DOCK4: variants seen among roughly 807,000 people sequenced by gnomAD.
The protein encoded by DOCK4 is dedicator of cytokinesis protein 4.
Under a neutral mutation model 268.1 loss-of-function variants are expected in DOCK4, and 97 were observed. That is an observed-to-expected ratio of 0.36 (90% CI 0.31 to 0.43). The LOEUF (loss-of-function observed/expected upper bound fraction) is 0.43, where lower values mean the gene tolerates loss of function less well. Ranked by LOEUF, DOCK4 falls within the 20% of genes least tolerant of loss-of-function variation. The probability of loss-of-function intolerance (pLI) is 1.00; values close to 1 mark genes in which losing one functional copy is unlikely to be tolerated. For synonymous variants in DOCK4, 954 were observed against 887.2 expected (o/e 1.08, Z -1.34); for missense variants, 2,145 against 2,455.7 (o/e 0.87, Z 2.67).
chr7:111,786,245 T>C (rs989934603), intron 32 of DOCK4, among the ~76,000 whole-genome samples: 2 of 152,288 alleles, frequency 1.3e-5, no homozygotes, highest in East Asian at 3.9e-4. Flanking sequence ...TGTTACTTCT[T>C]CTGGAAAGCC....
At chr7:111,788,288 T>C (rs1459020060) in intron 32 of DOCK4, among the ~76,000 whole-genome samples, 1 of 152,152 alleles carries the variant, frequency 6.6e-6, no homozygotes, top group Non-Finnish European at 1.5e-5. Flanking sequence ...GTATCTTGCT[T>C]TGGAAAGCAG....
chr7:111,818,514 A>C (rs751748486), intron 27 of DOCK4, among the ~76,000 whole-genome samples: 4 of 152,170 alleles, frequency 2.6e-5, no homozygotes, highest in Non-Finnish European at 5.9e-5. Context: ...ACCCACACCC[A>C]GTCACTTGCA....
chr7:111,839,851 T>C (rs1163023071), intron 25 of DOCK4, among the ~76,000 whole-genome samples: 1 of 152,218 alleles, frequency 6.6e-6, no homozygotes, highest in South Asian at 2.1e-4. Context: ...TCCATAGGTT[T>C]TTGGGGAAAC....
intron 42 of DOCK4, among the ~76,000 whole-genome samples, chr7:111,752,715 T>C (rs1284125815): frequency 6.6e-6 from 1 of 150,894 alleles, no homozygotes; most frequent in African/African-American, 2.4e-5. Context: ...GCCTCCCAAG[T>C]AGCTGGGACT....
rs1806466426 is a variant in DOCK4 at position 111,872,007 on chromosome 7, A to C, written c.2010T>G (p.Ala670=). The part of the protein sequence containing the change: ...VMDTYIESHF[A]GALAYRDLIK... The stretch of plus-strand genomic sequence containing the variant: ...GGCCTTACCTGTATGCAAGTGCCCC[A>C]GCAAAATGACTCTCAATGTAAGTGT... Residue 670 remains alanine (A), a synonymous_variant, in exon 20 of 53, where the codon GCT becomes GCG. Coordinates refer to ENST00000428084, the MANE Select transcript of DOCK4 (RefSeq NM_001363540.2). 3 of 1,556,068 alleles carry C rather than the reference A, an allele frequency of 1.9e-6. No homozygotes were observed. In the East Asian group the frequency reaches 7.1e-5, roughly 37 times the overall value.
chr7:111,971,060 G>A (rs117618085), intron 8 of DOCK4, among the ~76,000 whole-genome samples: 5,332 of 152,286 alleles, frequency 0.035, 126 homozygotes, highest in Non-Finnish European at 0.051. Context: ...GAACGAGAAA[G>A]GGAGTACTTT....
intron 10 of DOCK4, 74 bp from the exon 11 acceptor site, chr7:111,940,316 G>A (rs1382358663): frequency 3.5e-5 from 55 of 1,583,182 alleles, no homozygotes; most frequent in Non-Finnish European, 4.8e-5. Context: ...GAAACATACA[G>A]CTATAAGATA....
chr7:112,004,337 T>C (rs1003198518), intron 1 of DOCK4, among the ~76,000 whole-genome samples: 2 of 152,216 alleles, frequency 1.3e-5, no homozygotes, highest in African/African-American at 4.8e-5. Context: ...AAATATGCAT[T>C]TCACATATAT....
intron 1 of DOCK4, among the ~76,000 whole-genome samples, chr7:112,205,892 T>G (rs1821363685): frequency 6.6e-6 from 1 of 151,994 alleles, no homozygotes; most frequent in South Asian, 2.1e-4. Flanking sequence ...CGGGAACCAG[T>G]GCGGGGCGCG....
At chr7:112,205,899 C>G (rs984032847) in intron 1 of DOCK4, among the ~76,000 whole-genome samples, 2 of 152,148 alleles carry the variant, frequency 1.3e-5, no homozygotes, top group Non-Finnish European at 2.9e-5. Flanking sequence ...CAGTGCGGGG[C>G]GCGCCGAGCA....
At chr7:111,906,185 A>C (rs1458295235) in intron 13 of DOCK4, among the ~76,000 whole-genome samples, 4 of 152,194 alleles carry the variant, frequency 2.6e-5, no homozygotes, top group Non-Finnish European at 4.4e-5. Flanking sequence ...CAAGGAAGGT[A>C]GTAGTCCTGT....
chr7:111,876,652 G>T (rs983408539), intron 17 of DOCK4, among the ~76,000 whole-genome samples: 4 of 151,218 alleles, frequency 2.6e-5, no homozygotes, highest in Non-Finnish European at 5.9e-5. Flanking sequence ...AAAGCAATAT[G>T]CATCTAATTA....
At chr7:111,940,011 C>T (rs553856174) in intron 11 of DOCK4, 99 bp downstream of exon 11, 78 of 1,238,276 alleles carry the variant, frequency 6.3e-5, no homozygotes, top group African/African-American at 1.3e-4. Context: ...ATAAACCACC[C>T]ATTGTTCTTC....
At chr7:112,181,981 A>G (rs1202656094) in intron 1 of DOCK4, among the ~76,000 whole-genome samples, 2 of 152,182 alleles carry the variant, frequency 1.3e-5, no homozygotes, top group African/African-American at 4.8e-5. Context: ...CCATATCACT[A>G]ATCTTTTTTA....
At chr7:111,988,182 C>G (rs1799199989) in intron 6 of DOCK4, among the ~76,000 whole-genome samples, 1 of 152,046 alleles carries the variant, frequency 6.6e-6, no homozygotes, top group Non-Finnish European at 1.5e-5. Context: ...CTAAGATCCT[C>G]TGAAGGTCCA....
intron 1 of DOCK4, among the ~76,000 whole-genome samples, chr7:112,027,570 C>T (rs1006870191): frequency 1.3e-5 from 2 of 152,120 alleles, no homozygotes; most frequent in African/African-American, 2.4e-5. Flanking sequence ...AATAAAAAAT[C>T]GTCTGCACCA....
intron 1 of DOCK4, among the ~76,000 whole-genome samples, chr7:112,185,065 A>C (rs1819384713): frequency 4.6e-5 from 7 of 152,242 alleles, no homozygotes; most frequent in Admixed American, 4.6e-4. Flanking sequence ...AAAAGAAAGA[A>C]ACTGACATGG....
chr7:111,879,611 C>T (rs547158306), intron 16 of DOCK4, among the ~76,000 whole-genome samples: 1 of 152,244 alleles, frequency 6.6e-6, no homozygotes, highest in East Asian at 1.9e-4. Flanking sequence ...GGTCTGGCAG[C>T]ATTCACCACA....
chr7:111,880,902 A>C (rs543233678), intron 16 of DOCK4, among the ~76,000 whole-genome samples: 13 of 151,934 alleles, frequency 8.6e-5, no homozygotes, highest in Non-Finnish European at 1.9e-4. Flanking sequence ...ACTTGCTCCT[A>C]TCTCTCACTA....
Sources: allele counts gnomAD v4.1 joint callset (sites outside exome capture counted in the v4.1 genomes callset), GRCh38; gene constraint gnomAD v4.1.1; transcripts MANE v1.5; gene names NCBI Gene and HGNC (gene_info 2026-07-23, HGNC 2026-07-21).